The following SPAG17 variants were observed in gnomAD, a reference collection of about 807,000 sequenced individuals.
SPAG17 encodes the protein sperm-associated antigen 17.
A neutral mutation model predicts 273.6 loss-of-function variants in SPAG17; 169 were observed. The observed-to-expected ratio is 0.62, with a 90% confidence interval of 0.55 to 0.70. SPAG17 has a LOEUF of 0.70. SPAG17 is among the 30% of genes least tolerant of loss of function. The pLI, the probability that SPAG17 is intolerant of heterozygous loss-of-function variation, is 0.00. For synonymous variants in SPAG17, 825 were observed against 873.2 expected (o/e 0.94, Z 0.97); for missense variants, 2,557 against 2,627.8 (o/e 0.97, Z 0.59).
At chr1:118,171,961 A>G (rs1015324769) in intron 1 of SPAG17, among the ~76,000 whole-genome samples, 2 of 152,220 alleles carry the variant, frequency 1.3e-5, no homozygotes, top group Non-Finnish European at 2.9e-5. Context: ...AAAAGGATCA[A>G]ATTAGCCTAG....
chr1:118,015,914 C>A, intron 29 of SPAG17, 51 bp downstream of exon 29: 1 of 1,534,426 alleles, frequency 6.5e-7, no homozygotes, highest in Non-Finnish European at 9.0e-7. Context: ...GGTGTTGTTT[C>A]AGAATACTAA....
intron 7 of SPAG17, among the ~76,000 whole-genome samples, chr1:118,097,378 T>C (rs1655780535): frequency 6.6e-6 from 1 of 152,200 alleles, no homozygotes; most frequent in Admixed American, 6.5e-5. Flanking sequence ...GTCTAGAACA[T>C]TGTTGAGTTT....
Position 117,987,726 on chromosome 1 carries a change from G to C in SPAG17, c.5669+108C>G, listed in dbSNP as rs1445554486. On this transcript the variant is annotated intron_variant, in intron 40 of 48. Transcript: ENST00000336338. Reference sequence around the variant, plus strand: ...CACTTGGTAGACATGTTGCAGAAGAGAATCAAATAACATCTGGGTGCCTGG... The same window carrying C: ...CACTTGGTAGACATGTTGCAGAAGACAATCAAATAACATCTGGGTGCCTGG... 5 of 1,083,984 alleles carry C rather than the reference G, an allele frequency of 4.6e-6. No homozygotes were observed. The African/African-American group carries it at 7.8e-5, about 17-fold the overall frequency. The allele number at this position is 1,083,984 out of a possible 1,614,324, so 67.1% of individuals were successfully genotyped here.
intron 37 of SPAG17, 90 bp downstream of exon 37, chr1:117,991,325 C>T: frequency 1.4e-6 from 1 of 721,572 alleles, no homozygotes; most frequent in Non-Finnish European, 2.2e-6. Flanking sequence ...ATGGAAGTGG[C>T]AGAAGCAGCT....
rs754233690 is a variant in SPAG17, at chr1:118,081,613, C to T, written c.1792G>A (p.Ala598Thr). 1.2e-6 allele frequency: 2 copies of T among 1,613,996 alleles called. No homozygotes were observed. The highest frequency in any genetic ancestry group is 4.5e-5 in the East Asian group (2 of 44,876). Reference protein sequence around the residue: ...DVLSWNEVERAFKVFTFESLK... With the variant: ...DVLSWNEVERTFKVFTFESLK... ...CTCTCAAAAGTAAACACCTTGAAGG[C>T]TCGTTCTACTTCATTCCAGCTCAAG... is the stretch of plus-strand genomic sequence containing the variant. The change falls in exon 14 of 49, where the codon GCC becomes ACC. Residue 598 changes from alanine (A) to threonine (T), a missense_variant. Transcript: ENST00000336338.
chr1:117,984,570 C>G (rs1362563825), intron 41 of SPAG17, 113 bp downstream of exon 41: 1 of 670,594 alleles, frequency 1.5e-6, no homozygotes, highest in African/African-American at 1.9e-5. Flanking sequence ...TCAGCCAGGT[C>G]GATGCAGGAA....
chr1:118,134,601 T>G (rs1269119612), intron 3 of SPAG17, among the ~76,000 whole-genome samples: 3 of 152,232 alleles, frequency 2.0e-5, no homozygotes, highest in Non-Finnish European at 1.5e-5. Flanking sequence ...CTAACATCTT[T>G]GCCTAGCATA....
In SPAG17 at chr1:117,994,526, G is replaced by A; in HGVS notation, c.5058C>T (p.Thr1686=). The part of the protein sequence containing the change: ...LQEPVQEQPG[T]LTITVLRPFH... ...AAGGGCGAAGGACTGTGATGGTTAG[G>A]GTGCCTGGTTCAAAGAAAGTTGTCA... is the stretch of plus-strand genomic sequence containing the variant. Residue 1686 remains threonine, a synonymous_variant, in exon 35 of 49, where the codon ACC becomes ACT. Coordinates refer to ENST00000336338, the MANE Select transcript of SPAG17 (RefSeq NM_206996.4). 2 of 1,605,554 alleles carry A rather than the reference G, an allele frequency of 1.2e-6. No individual in the cohort carries two copies. The highest frequency in any genetic ancestry group is 2.2e-5 in the South Asian group (2 of 89,376).
At chr1:118,031,617 C>T (rs1206460367) in intron 25 of SPAG17, 75 bp downstream of exon 25, 3 of 1,444,812 alleles carry the variant, frequency 2.1e-6, no homozygotes, top group South Asian at 2.5e-5. Context: ...ACACTATTGA[C>T]ATAAGTCATG....
At chr1:118,064,284 C>T (rs1652698034) in intron 18 of SPAG17, among the ~76,000 whole-genome samples, 1 of 151,990 alleles carries the variant, frequency 6.6e-6, no homozygotes, top group Non-Finnish European at 1.5e-5. Flanking sequence ...GACACATGCA[C>T]ACGTATGTTT....
chr1:118,105,838 A>C (rs1359424266), intron 4 of SPAG17, among the ~76,000 whole-genome samples: 1 of 128,114 alleles, frequency 7.8e-6, no homozygotes, highest in Non-Finnish European at 1.7e-5. Flanking sequence ...TTACTCAGTA[A>C]TAAAAAACAT....
In SPAG17 at chr1:118,042,010, T is replaced by C. The variant is rs1649821698; in HGVS notation, c.2847A>G (p.Glu949=). 1 of 1,613,268 alleles carries C rather than the reference T, an allele frequency of 6.2e-7. No homozygotes were observed. Residue 949 remains glutamate, a synonymous_variant, in exon 21 of 49, where the codon GAA becomes GAG. Coordinates refer to ENST00000336338, the MANE Select transcript of SPAG17 (RefSeq NM_206996.4). ...AWKEEQHRLA[E]EERLREEKKA... ...TCTTTTCTTCCCTTAAGCGCTCCTC[T>C]TCTGCTAATCGATGTTGCTCTTCTT...
In SPAG17 at chr1:118,066,578, C is replaced by G. The variant is rs144160994; in HGVS notation, c.2540+167G>C. 4.2e-3 allele frequency among the ~76,000 whole-genome samples: 638 copies of G among 152,266 alleles called. 7 individuals carry two copies. Among genetic ancestry groups the G allele is most frequent in the Non-Finnish European group, 5.7e-3 (391 of 68,024 alleles). ...ATGCCCATACAGTGCCCAGCACATG[C>G]TGACATTCAATTTAGTGAGCTGAAT... is the stretch of plus-strand genomic sequence containing the variant. On this transcript the variant is annotated intron_variant, in intron 18 of 48. Coordinates refer to ENST00000336338, the MANE Select transcript of SPAG17 (RefSeq NM_206996.4).
chr1:118,046,998 C>T (rs911362803), intron 20 of SPAG17, among the ~76,000 whole-genome samples: 1 of 152,200 alleles, frequency 6.6e-6, no homozygotes, highest in African/African-American at 2.4e-5. Context: ...TCCTGCTAAA[C>T]GTGTGTTCAT....
At chr1:118,137,792 C>G (rs148081731) in intron 3 of SPAG17, among the ~76,000 whole-genome samples, 1 of 152,032 alleles carries the variant, frequency 6.6e-6, no homozygotes, top group Admixed American at 6.6e-5. Context: ...ATGCACAGTA[C>G]CTTTTCAATA....
chr1:118,044,914 C>A (rs1378031286), intron 20 of SPAG17, among the ~76,000 whole-genome samples: 1 of 152,134 alleles, frequency 6.6e-6, no homozygotes, highest in African/African-American at 2.4e-5. Context: ...CCAATTATAT[C>A]TCTTTTCTTA....
rs1655018931 is a variant in SPAG17 at position 118,086,662 on chromosome 1, T to G, written c.1611+9A>C. On this transcript the variant is annotated intron_variant, in intron 12 of 48. Transcript: ENST00000336338. ...TCGGTTTTCCTTGGGCTAACCTGAT[T>G]ATTATTACCTGTAGTGCGTACTTCT... The G allele has an allele frequency of 6.2e-7, 1 of 1,612,908 alleles. No individual in the cohort carries two copies. Among genetic ancestry groups the G allele is most frequent in the Admixed American group, 1.7e-5 (1 of 59,984 alleles).
intron 5 of SPAG17, among the ~76,000 whole-genome samples, chr1:118,100,766 C>T (rs1251411554): frequency 6.6e-6 from 1 of 152,114 alleles, no homozygotes; most frequent in African/African-American, 2.4e-5. Flanking sequence ...CATTTGCATT[C>T]AAGGGAAGGC....
chr1:118,017,676 A>G (rs1571250514), intron 28 of SPAG17, among the ~76,000 whole-genome samples: 1 of 152,334 alleles, frequency 6.6e-6, no homozygotes, highest in East Asian at 1.9e-4. Flanking sequence ...GTTTTAAAGT[A>G]TTAGAAATTC....
Sources: gnomAD v4.1 joint callset for allele counts (sites outside exome capture counted in the v4.1 genomes callset) on GRCh38, gnomAD v4.1.1 for gene constraint, MANE v1.5 for transcripts, NCBI Gene and HGNC (gene_info 2026-07-23, HGNC 2026-07-21) for gene names.